The following INSL6 variants were observed in gnomAD, a reference collection of about 807,000 sequenced individuals.
INSL6 encodes the protein insulin-like peptide INSL6.
INSL6 carries 16 observed loss-of-function variants against 9.4 expected under a neutral mutation model. That is an observed-to-expected ratio of 1.70 (90% CI 1.15 to 2.59). The LOEUF is 2.59. Among genes scored for constraint, INSL6 ranks in the 30% most tolerant of loss-of-function variants. The pLI is 0.00. For missense variants in INSL6, 391 were observed against 257.3 expected (o/e 1.52, Z -3.56); for synonymous variants, 154 against 96.9 (o/e 1.59, Z -3.46).
chr9:5,146,589 C>T (rs1282111697), intron 2 of INSL6, among the ~76,000 whole-genome samples: 1 of 152,232 alleles, frequency 6.6e-6, no homozygotes, highest in African/African-American at 2.4e-5. Context: ...GCAGCATTAA[C>T]ACAAGGGTGG....
At chr9:5,072,735 A>G in the INSL6 span, 2 of 786,706 alleles carry the variant, frequency 2.5e-6, no homozygotes, top group African/African-American at 3.6e-5. Context: ...TAATTTTTAA[A>G]TGTGTCAAGG....
At chr9:5,097,279 CAA>C in the INSL6 span, 2 of 152,186 alleles carry the variant, frequency 1.3e-5, no homozygotes, top group Admixed American at 1.3e-4. Context: ...GGCATTACCA[CAA>C]TATTAACTGA....
At chr9:5,013,432 A>G in the INSL6 span, among the ~76,000 whole-genome samples, 2 of 152,248 alleles carry the variant, frequency 1.3e-5, no homozygotes, top group Non-Finnish European at 2.9e-5. Flanking sequence ...TATTAAAGGT[A>G]AACATTTAAA....
chr9:5,170,288 A>C (rs1393337351), intron 1 of INSL6, among the ~76,000 whole-genome samples: 1 of 152,186 alleles, frequency 6.6e-6, no homozygotes, highest in Non-Finnish European at 1.5e-5. Flanking sequence ...GAAATCAAGA[A>C]GTTCTTTGAA....
chr9:5,006,732 C>T, the INSL6 span, among the ~76,000 whole-genome samples: 3 of 152,200 alleles, frequency 2.0e-5, no homozygotes, highest in African/African-American at 7.2e-5. Flanking sequence ...TAAATCCATC[C>T]CATGACCCAG....
chr9:5,133,032 A>G (rs546199572), intron 3 of INSL6, among the ~76,000 whole-genome samples: 6 of 152,288 alleles, frequency 3.9e-5, no homozygotes, highest in Middle Eastern at 3.4e-3. Flanking sequence ...AATTTCATAT[A>G]TTCTTTCTAG....
At chr9:5,064,835 G>T in the INSL6 span, 2 of 1,372,722 alleles carry the variant, frequency 1.5e-6, no homozygotes, top group Non-Finnish European at 2.0e-6. Context: ...ATTTAACATG[G>T]AGTTGACTTT....
At chr9:5,083,532 A>G in the INSL6 span, among the ~76,000 whole-genome samples, 7 of 152,136 alleles carry the variant, frequency 4.6e-5, no homozygotes, top group African/African-American at 7.2e-5. Flanking sequence ...CTTTTATACA[A>G]CTTAATCACA....
intron 3 of INSL6, chr9:5,132,671 T>C (rs1586854101): frequency 6.6e-6 from 1 of 152,152 alleles, no homozygotes; most frequent in African/African-American, 2.4e-5. Flanking sequence ...AGATAACTCA[T>C]ATTAATGGTT....
chr9:5,044,433 C>A, the INSL6 span: 3 of 1,612,414 alleles, frequency 1.9e-6, no homozygotes, highest in South Asian at 1.1e-5. Context: ...ATTGCAGTGG[C>A]AGCAACAGAG....
At chr9:5,016,139 G>A in the INSL6 span, among the ~76,000 whole-genome samples, 2 of 152,176 alleles carry the variant, frequency 1.3e-5, no homozygotes, top group Admixed American at 1.3e-4. Context: ...GGAACCTCCC[G>A]CCAAACGCTG....
the INSL6 span, among the ~76,000 whole-genome samples, chr9:5,079,969 TTGTG>T: frequency 2.4e-4 from 37 of 152,300 alleles, no homozygotes; most frequent in African/African-American, 7.2e-4. Context: ...TGCTAACAAA[TTGTG>T]TGGCTTTGGG....
At chr9:5,126,642 C>T in intron 3 of INSL6, 1 of 1,350,586 alleles carries the variant, frequency 7.4e-7, no homozygotes, top group South Asian at 1.2e-5. Flanking sequence ...AAAAGATGGC[C>T]CTTAGTGTTC....
the INSL6 span, chr9:5,111,984 C>T: frequency 2.7e-6 from 1 of 366,544 alleles, no homozygotes; most frequent in Non-Finnish European, 5.4e-6. Flanking sequence ...GGGCTCCCCC[C>T]AGGGCCTGGG....
chr9:5,126,731 C>A, intron 3 of INSL6: 2 of 1,611,062 alleles, frequency 1.2e-6, no homozygotes, highest in Non-Finnish European at 1.7e-6. Flanking sequence ...TAAATCAACG[C>A]CCCTCCTTTA....
chr9:5,121,856 T>A (rs1696017923), downstream of INSL6, among the ~76,000 whole-genome samples: 1 of 152,130 alleles, frequency 6.6e-6, no homozygotes, highest in African/African-American at 2.4e-5. Flanking sequence ...GAAATTACAA[T>A]GAGTGCTATA....
At chr9:5,040,774 C>T in the INSL6 span, among the ~76,000 whole-genome samples, 63 of 152,240 alleles carry the variant, frequency 4.1e-4, no homozygotes, top group African/African-American at 1.4e-3. Flanking sequence ...GCCTTCCGCC[C>T]TTAACATGCG....
chr9:5,117,733 T>C, the INSL6 span, among the ~76,000 whole-genome samples: 3 of 152,042 alleles, frequency 2.0e-5, no homozygotes, highest in East Asian at 1.9e-4. Context: ...CTGGTAGATA[T>C]AACTCACAGA....
At chr9:5,056,828 T>A in the INSL6 span, among the ~76,000 whole-genome samples, 4 of 152,174 alleles carry the variant, frequency 2.6e-5, no homozygotes, top group Non-Finnish European at 5.9e-5. Flanking sequence ...GGGACTGTAT[T>A]TGGACTTGGC....
Sources: allele counts gnomAD v4.1 joint callset (sites outside exome capture counted in the v4.1 genomes callset), GRCh38; gene constraint gnomAD v4.1.1; transcripts MANE v1.5; gene names NCBI Gene and HGNC (gene_info 2026-07-23, HGNC 2026-07-21).